Variants in LRP12 observed in about 807,000 individuals in gnomAD.
LRP12 encodes the protein LDL receptor related protein 12.
Under a neutral mutation model 66.0 loss-of-function variants are expected in LRP12, and 14 were observed. The ratio of observed to expected loss-of-function variants is 0.21; its 90% CI spans 0.14 to 0.33. LRP12 has a LOEUF of 0.33. Ranked by LOEUF, LRP12 falls within the 10% of genes least tolerant of loss-of-function variation. The pLI is 1.00. For synonymous variants in LRP12, 357 were observed against 359.1 expected, an observed-to-expected ratio of 0.99 and a Z score of 0.07; for missense variants, 889 against 1,053.4, an observed-to-expected ratio of 0.84 and a Z score of 2.16.
chr8:104,547,926 T>C (rs1268061103), intron 1 of LRP12, among the ~76,000 whole-genome samples: 1 of 128,908 alleles, frequency 7.8e-6, no homozygotes, highest in African/African-American at 2.9e-5. Context: ...TTGTATATAA[T>C]ATACAATTCA....
intron 2 of LRP12, among the ~76,000 whole-genome samples, chr8:104,524,604 G>T (rs898802329): frequency 1.3e-5 from 2 of 152,124 alleles, no homozygotes; most frequent in African/African-American, 4.8e-5. Flanking sequence ...TAAACAGAAA[G>T]AGCAGGAGAT....
chr8:104,562,236 G>T (rs184460567), intron 1 of LRP12, among the ~76,000 whole-genome samples: 26 of 152,166 alleles, frequency 1.7e-4, no homozygotes, highest in African/African-American at 5.8e-4. Context: ...AGCATTTAGA[G>T]CAATGACTAC....
At chr8:104,529,477 G>A (rs1811293921) in intron 2 of LRP12, among the ~76,000 whole-genome samples, 1 of 152,156 alleles carries the variant, frequency 6.6e-6, no homozygotes, top group African/African-American at 2.4e-5. Flanking sequence ...CTTTACTGCT[G>A]ATTTCTTTCT....
rs147385420 is a variant in LRP12 at position 104,497,668 on chromosome 8, C to T, written c.884G>A (p.Arg295His). The change falls in exon 5 of 7, where the codon CGT becomes CAT. Residue 295 changes from arginine to histidine, a missense_variant. By Grantham distance (29) the Arg-to-His change is conservative (BLOSUM62 0). Around this residue, in one of 3 missense-constraint regions of LRP12, gnomAD observed 800 missense variants for 964.5 expected, o/e 0.83. Transcript: ENST00000276654. This position sits in a 1 kb window ranked among gnomAD's most constrained non-coding sequence, Gnocchi z 4.3. Reference sequence around the variant, plus strand: ...GTCAGTGAAGCGTAAAATGACTTTACGGTGATCACCAGTGTCTATTAACCA... The same window carrying T: ...GTCAGTGAAGCGTAAAATGACTTTATGGTGATCACCAGTGTCTATTAACCA... Reference protein sequence around the residue: ...CTWLIDTGDHRKVILRFTDFK... With the variant: ...CTWLIDTGDHHKVILRFTDFK... 6.8e-6 allele frequency: 11 copies of T among 1,613,928 alleles called. No individual in the cohort carries two copies. The highest frequency in any genetic ancestry group is 2.2e-5 in the South Asian group (2 of 91,064).
chr8:104,528,983 T>C (rs570105634), intron 2 of LRP12, among the ~76,000 whole-genome samples: 13 of 152,356 alleles, frequency 8.5e-5, no homozygotes, highest in Admixed American at 7.2e-4. Flanking sequence ...ATGGAGTATT[T>C]TATTAACGTA....
chr8:104,565,278 C>T (rs910323559), intron 1 of LRP12, among the ~76,000 whole-genome samples: 10 of 152,020 alleles, frequency 6.6e-5, no homozygotes, highest in Admixed American at 6.5e-5. Context: ...TAAAATGGTC[C>T]GCCAAATAGC....
intron 3 of LRP12, chr8:104,506,936 A>AT (rs954060188): frequency 1.3e-5 from 2 of 152,124 alleles, no homozygotes; most frequent in Non-Finnish European, 2.9e-5. Flanking sequence ...AGAATTTAAA[A>AT]TTTTTATTTT....
At chr8:104,495,262 A>AACAATTTTCTATTATCAGT in intron 5 of LRP12, 53 bp from the exon 6 acceptor site, 1 of 1,549,680 alleles carries the variant, frequency 6.5e-7, no homozygotes, top group Middle Eastern at 1.7e-4. Context: ...GAAGAAAAAG[A>AACAATTTTCTATTATCAGT]ACAATTTTCT....
intron 2 of LRP12, among the ~76,000 whole-genome samples, chr8:104,511,601 G>A (rs1051696827): frequency 1.3e-5 from 2 of 152,094 alleles, no homozygotes; most frequent in Non-Finnish European, 2.9e-5. Flanking sequence ...AGTATATTAT[G>A]TAATTTAAAG....
intron 6 of LRP12, among the ~76,000 whole-genome samples, chr8:104,493,426 A>G (rs1810668738): frequency 6.6e-6 from 1 of 152,242 alleles, no homozygotes; most frequent in African/African-American, 2.4e-5. Context: ...ACGAGGGTAC[A>G]TATAACCTGA....
chr8:104,521,188 A>C (rs1478703727), intron 2 of LRP12, among the ~76,000 whole-genome samples: 3 of 151,966 alleles, frequency 2.0e-5, no homozygotes, highest in Non-Finnish European at 4.4e-5. Context: ...TGAGCATCCC[A>C]AAACCAAAAA....
intron 1 of LRP12, among the ~76,000 whole-genome samples, chr8:104,537,545 A>G (rs1811408066): frequency 6.6e-6 from 1 of 152,242 alleles, no homozygotes; most frequent in Admixed American, 6.6e-5. Flanking sequence ...TTACCAGACC[A>G]GGAAGTCCAC....
chr8:104,554,831 T>C (rs1246218181), intron 1 of LRP12, among the ~76,000 whole-genome samples: 1 of 152,172 alleles, frequency 6.6e-6, no homozygotes, highest in African/African-American at 2.4e-5. Flanking sequence ...CATCAGGTTA[T>C]CTAAAGTCAA....
chr8:104,499,287 G>A (rs1810786799), intron 4 of LRP12, 30 bp downstream of exon 4: 1 of 1,559,184 alleles, frequency 6.4e-7, no homozygotes, highest in Non-Finnish European at 8.8e-7. Context: ...ATAAAATTCA[G>A]TTCAATATCT....
chr8:104,560,059 C>T (rs74714466), intron 1 of LRP12, among the ~76,000 whole-genome samples: 1,977 of 152,196 alleles, frequency 0.013, 48 homozygotes, highest in African/African-American at 0.044. Flanking sequence ...AAACTTAGGT[C>T]TGTCTTATTA....
At chr8:104,578,951 C>G (rs1812206027) in intron 1 of LRP12, among the ~76,000 whole-genome samples, 2 of 152,034 alleles carry the variant, frequency 1.3e-5, no homozygotes, top group South Asian at 4.2e-4. Context: ...CCGTCTATGA[C>G]AAACAAACCC....
chr8:104,556,254 G>C (rs1811806503), intron 1 of LRP12, among the ~76,000 whole-genome samples: 1 of 151,922 alleles, frequency 6.6e-6, no homozygotes, highest in Admixed American at 6.6e-5. Flanking sequence ...AGGAACTAGA[G>C]AAACAAGAAC....
Position 104,499,446 on chromosome 8 carries a change from T to C in LRP12, c.346A>G (p.Ile116Val). 6.2e-7 allele frequency: 1 copy of C among 1,613,744 alleles called. No homozygotes were observed. Among genetic ancestry groups the C allele is most frequent in the Non-Finnish European group, 8.5e-7 (1 of 1,179,728 alleles). The stretch of plus-strand genomic sequence containing the variant: ...GAACCACAAGCTCTGTAACTTTCAA[T>C]ATTCTTGTATGTTTCTATTGTCAAC... ...DWLTIETYKN[I>V]ESYRACGSTI... Residue 116 changes from isoleucine to valine, a missense_variant, in exon 4 of 7, where the codon ATT becomes GTT. Transcript: ENST00000276654.
intron 1 of LRP12, among the ~76,000 whole-genome samples, chr8:104,587,711 A>G (rs1045578831): frequency 6.6e-6 from 1 of 152,224 alleles, no homozygotes; most frequent in African/African-American, 2.4e-5. Flanking sequence ...CTTGCTGACA[A>G]ATTGGCTGTT....
Sources: allele counts gnomAD v4.1 joint callset (sites outside exome capture counted in the v4.1 genomes callset), GRCh38; gene constraint gnomAD v4.1.1; regional missense constraint gnomAD v4.1.1; non-coding constraint Gnocchi (gnomAD v3.1); transcripts MANE v1.5; gene names NCBI Gene and HGNC (gene_info 2026-07-23, HGNC 2026-07-21).